Variants in HTR4 observed in about 807,000 individuals in gnomAD.
HTR4 encodes the protein 5-hydroxytryptamine (serotonin) receptor 4, G protein-coupled.
In HTR4, 16 loss-of-function variants were observed where a neutral mutation model predicts 36.8. That is an observed-to-expected ratio of 0.43 (90% confidence interval 0.29 to 0.66). The LOEUF (loss-of-function observed/expected upper bound fraction) is 0.66. Ranked by LOEUF, HTR4 falls within the 30% of genes least tolerant of loss-of-function variation. HTR4 has a pLI of 0.13. For synonymous variants in HTR4, 189 were observed against 185.1 expected (o/e 1.02, Z -0.17); for missense variants, 438 against 490.9 (o/e 0.89, Z 1.02).
chr5:148,474,262 T>A (rs1755641161), downstream of HTR4, among the ~76,000 whole-genome samples: 1 of 151,220 alleles, frequency 6.6e-6, no homozygotes, highest in Non-Finnish European at 1.5e-5. Flanking sequence ...CTCACGACCT[T>A]CCCAGCGGCA....
At chr5:148,484,635 A>T (rs916769795) in intron 6 of HTR4, among the ~76,000 whole-genome samples, 2 of 152,190 alleles carry the variant, frequency 1.3e-5, no homozygotes, top group African/African-American at 4.8e-5. Flanking sequence ...CTTTCCATCA[A>T]TCCTGGACAG....
chr5:148,457,618 C>T (rs1240679942), intron 5 of HTR4, among the ~76,000 whole-genome samples: 1 of 146,468 alleles, frequency 6.8e-6, no homozygotes, highest in African/African-American at 2.5e-5. Context: ...TTTTAATCAT[C>T]AAAATATATT....
intron 1 of HTR4, among the ~76,000 whole-genome samples, chr5:148,650,015 C>T (rs1018963687): frequency 7.0e-6 from 1 of 142,560 alleles, no homozygotes; most frequent in Middle Eastern, 3.3e-3. Context: ...GAGTGAGGAC[C>T]AGCAATTTGT....
chr5:148,641,047 T>C (rs1348210536), intron 1 of HTR4, among the ~76,000 whole-genome samples: 1 of 152,182 alleles, frequency 6.6e-6, no homozygotes, highest in Non-Finnish European at 1.5e-5. Context: ...TGATTATGCC[T>C]GACTATTTTC....
intron 1 of HTR4, among the ~76,000 whole-genome samples, chr5:148,644,421 A>ATTTTTTTTTTTTTTTTTTTTTTT (rs1753815914): frequency 1.2e-5 from 1 of 85,850 alleles, no homozygotes; most frequent in Admixed American, 1.4e-4. Flanking sequence ...CAAGCTCACA[A>ATTTTTTTTTTTTTTTTTTTTTTT]GTTTTTTTTT....
At chr5:148,581,230 A>T (rs780033630) in intron 2 of HTR4, among the ~76,000 whole-genome samples, 60 of 151,952 alleles carry the variant, frequency 3.9e-4, no homozygotes, top group Non-Finnish European at 6.5e-4. Context: ...GGAGTTCTTT[A>T]TATGTTTTGG....
intron 4 of HTR4, among the ~76,000 whole-genome samples, chr5:148,536,236 G>T (rs1758819147): frequency 6.6e-6 from 1 of 152,028 alleles, no homozygotes; most frequent in Admixed American, 6.6e-5. Flanking sequence ...CTTGAAAGGA[G>T]CACTAAATAT....
At chr5:148,468,165 T>C (rs566180489) in intron 5 of HTR4, among the ~76,000 whole-genome samples, 2 of 152,308 alleles carry the variant, frequency 1.3e-5, no homozygotes, top group South Asian at 4.1e-4. Flanking sequence ...GGCCAGGGAT[T>C]GGTTGGTGGT....
intron 6 of HTR4, among the ~76,000 whole-genome samples, chr5:148,485,900 C>T (rs1756133948): frequency 6.6e-6 from 1 of 152,190 alleles, no homozygotes; most frequent in South Asian, 2.1e-4. Flanking sequence ...TTCCGAAGGG[C>T]TACATTGGCT....
downstream of HTR4, among the ~76,000 whole-genome samples, chr5:148,480,897 A>T (rs901243514): frequency 1.3e-5 from 2 of 152,244 alleles, no homozygotes; most frequent in Non-Finnish European, 2.9e-5. Flanking sequence ...ATGGCATTTT[A>T]TGATTTACAG....
chr5:148,574,045 A>G (rs529182302), intron 2 of HTR4, among the ~76,000 whole-genome samples: 47 of 152,188 alleles, frequency 3.1e-4, no homozygotes, highest in Non-Finnish European at 5.3e-4. Flanking sequence ...ACGGAGAGAA[A>G]CATAGGCTGA....
At chr5:148,523,475 TGAG>T in intron 4 of HTR4, 129 bp from the exon 5 acceptor site, 1 of 578,936 alleles carries the variant, frequency 1.7e-6, no homozygotes, top group Non-Finnish European at 2.8e-6. Context: ...CAGCAAACAT[TGAG>T]GAGAAGAGTC....
intron 2 of HTR4, among the ~76,000 whole-genome samples, chr5:148,605,385 A>G (rs917046564): frequency 4.7e-5 from 7 of 150,386 alleles, no homozygotes; most frequent in Non-Finnish European, 7.4e-5. Flanking sequence ...CAGTCTCCCA[A>G]GTAGCTGGGA....
chr5:148,467,231 GATA>G (rs765176967), intron 5 of HTR4, among the ~76,000 whole-genome samples: 14 of 152,224 alleles, frequency 9.2e-5, no homozygotes, highest in Admixed American at 3.3e-4. Flanking sequence ...TTACACATGA[GATA>G]ATATTATAAA....
At chr5:148,489,125 A>G (rs1581370171) in intron 6 of HTR4, among the ~76,000 whole-genome samples, 1 of 152,246 alleles carries the variant, frequency 6.6e-6, no homozygotes, top group African/African-American at 2.4e-5. Flanking sequence ...AGGAGAAAAT[A>G]CCTTAAAAGT....
At chr5:148,548,530 A>G (rs1759499910) in intron 4 of HTR4, 138 bp downstream of exon 4, 2 of 753,310 alleles carry the variant, frequency 2.7e-6, no homozygotes, top group African/African-American at 3.5e-5. Flanking sequence ...CTGGAGAATG[A>G]CTGTATAACT....
intron 1 of HTR4, 83 bp downstream of exon 1, chr5:148,653,979 C>A (rs1030604340): frequency 4.6e-6 from 4 of 870,158 alleles, no homozygotes; most frequent in African/African-American, 3.6e-5. Context: ...CCGACCCCGT[C>A]GTGCTGCCCC....
At chr5:148,531,321 C>G (rs1474731805) in intron 4 of HTR4, among the ~76,000 whole-genome samples, 4 of 152,060 alleles carry the variant, frequency 2.6e-5, no homozygotes, top group Non-Finnish European at 5.9e-5. Context: ...GTGGTTTAAT[C>G]ATGGGGTGGG....
intron 5 of HTR4, among the ~76,000 whole-genome samples, chr5:148,460,908 A>C: frequency 6.6e-6 from 1 of 152,120 alleles, no homozygotes; most frequent in East Asian, 1.9e-4. Flanking sequence ...GACCATCATA[A>C]GTTGGTGACT....
Sources: gnomAD v4.1 joint callset for allele counts (sites outside exome capture counted in the v4.1 genomes callset) on GRCh38, gnomAD v4.1.1 for gene constraint, MANE v1.5 for transcripts, NCBI Gene and HGNC (gene_info 2026-07-23, HGNC 2026-07-21) for gene names.